The following EPS15L1 variants were observed in gnomAD, a reference collection of about 807,000 sequenced individuals.
EPS15L1 encodes the protein epidermal growth factor receptor substrate 15-like 1.
A neutral mutation model predicts 117.1 loss-of-function variants in EPS15L1; 43 were observed. The observed-to-expected ratio is 0.37, with a 90% CI of 0.29 to 0.47. The LOEUF is 0.47. EPS15L1 is among the 20% of genes least tolerant of loss of function. EPS15L1 has a pLI of 0.99. For missense variants in EPS15L1, 981 were observed against 1,164.0 expected (o/e 0.84, Z 2.29); for synonymous variants, 459 against 470.5 (o/e 0.98, Z 0.32).
At position 16,370,756 on chromosome 19, in the gene EPS15L1, G is replaced by A. The variant is rs1040824705; in HGVS notation, c.2380+6366C>T. Among the ~76,000 whole-genome samples the A allele has an allele frequency of 6.6e-6, 1 of 152,196 alleles. No homozygotes were observed. Among genetic ancestry groups the A allele is most frequent in the African/African-American group, 2.4e-5 (1 of 41,446 alleles). On this transcript the variant is annotated intron_variant, in intron 22 of 23. Coordinates refer to ENST00000455140, the MANE Select transcript of EPS15L1 (RefSeq NM_001258374.3). The surrounding 1 kb of genome is among the most constrained non-coding windows in gnomAD (Gnocchi z 5.2). ...CATTCCTCCCTCTCAGAGTGGGACC[G>A]TTCCTTGGCACCGTCAGCAGGTCCC... is the stretch of plus-strand genomic sequence containing the variant.
At chr19:16,385,348 G>A (rs558578665) in intron 20 of EPS15L1, 137 bp from the exon 21 acceptor site, 34 of 710,280 alleles carry the variant, frequency 4.8e-5, no homozygotes, top group Non-Finnish European at 8.3e-5. Context: ...ACGTGTGTCT[G>A]CATGAAGGCC....
In EPS15L1 at chr19:16,405,064, AG is replaced by A. The variant is rs2092642679; in HGVS notation, c.1267-316del. Among the ~76,000 whole-genome samples the A allele has an allele frequency of 2.0e-5, 3 of 152,214 alleles. No homozygotes were observed. The highest frequency in any genetic ancestry group is 4.4e-5 in the Non-Finnish European group (3 of 68,042). On this transcript the variant is annotated intron_variant, in intron 13 of 23. Coordinates refer to ENST00000455140, the MANE Select transcript of EPS15L1 (RefSeq NM_001258374.3). This position sits in a 1 kb window ranked among gnomAD's most constrained non-coding sequence, Gnocchi z 4.0. Reference sequence around the variant, plus strand: ...GGATGACATGCAGCTGTGGCTGCGGAGGGGAACATCACCCAAACGCAAATAA... The same window carrying A: ...GGATGACATGCAGCTGTGGCTGCGGAGGGAACATCACCCAAACGCAAATAA...
chr19:16,417,988 G>C lies in EPS15L1; in HGVS notation c.1067C>G (p.Pro356Arg), dbSNP rs201602551. The C allele has an allele frequency of 3.4e-5, 55 of 1,614,028 alleles. No individual in the cohort carries two copies. The highest frequency in any genetic ancestry group is 1.7e-4 in the Middle Eastern group (1 of 6,050). The change falls in exon 11 of 24, where the codon CCG becomes CGG. Residue 356 changes from proline (P) to arginine (R), a missense_variant. Physicochemically the swap from Pro to Arg is moderately radical, Grantham distance 103. Around this residue, in one of 5 missense-constraint regions of EPS15L1, gnomAD observed 819 missense variants for 949.0 expected, o/e 0.86. Coordinates refer to ENST00000455140, the MANE Select transcript of EPS15L1 (RefSeq NM_001258374.3). ...TCTCTCCGAAGGCGGGACCATGTCCGGCGAGAGGACTTGAGGAGGGTCGAT... is the reference window on the plus strand; with the variant it reads ...TCTCTCCGAAGGCGGGACCATGTCCCGCGAGAGGACTTGAGGAGGGTCGAT... ...KGIDPPQVLSPDMVPPSERGT... is the reference protein window; with the variant it reads ...KGIDPPQVLSRDMVPPSERGT...
intron 13 of EPS15L1, among the ~76,000 whole-genome samples, chr19:16,411,860 C>T (rs867680761): frequency 1.3e-4 from 20 of 152,188 alleles, no homozygotes; most frequent in Middle Eastern, 3.4e-3. Flanking sequence ...CCACTACACC[C>T]GGCTTTTGCA....
intron 1 of EPS15L1, among the ~76,000 whole-genome samples, chr19:16,470,325 TACAGTGAGCTGA>T (rs1054566486): frequency 6.6e-6 from 1 of 151,480 alleles, no homozygotes; most frequent in African/African-American, 2.4e-5. Context: ...AGGCGGAGGT[TACAGTGAGCTGA>T]GATCATGCCA....
At chr19:16,413,672 G>C in intron 13 of EPS15L1, 101 bp downstream of exon 13, 1 of 1,006,870 alleles carries the variant, frequency 9.9e-7, no homozygotes, top group East Asian at 2.4e-5. Context: ...TTTCCATCCA[G>C]GGCAGACCCC....
chr19:16,402,666 T>A (rs1338337817), intron 15 of EPS15L1, among the ~76,000 whole-genome samples, 181 bp from the exon 16 acceptor site: 1 of 151,920 alleles, frequency 6.6e-6, no homozygotes, highest in Admixed American at 6.6e-5. Context: ...CTCAGCCTCC[T>A]GAGTAGCTGG....
chr19:16,419,721 G>A (rs1008294558), intron 10 of EPS15L1, among the ~76,000 whole-genome samples: 2 of 152,210 alleles, frequency 1.3e-5, no homozygotes, highest in African/African-American at 4.8e-5. Flanking sequence ...TGCGGAGAAT[G>A]AGCAGATCTC....
At chr19:16,466,435 C>A (rs1599700162) in intron 1 of EPS15L1, among the ~76,000 whole-genome samples, 1 of 152,172 alleles carries the variant, frequency 6.6e-6, no homozygotes, top group East Asian at 1.9e-4. Context: ...CAATCCCCAC[C>A]GAATGCACTA....
chr19:16,441,837 G>T (rs371007291), intron 3 of EPS15L1, 55 bp downstream of exon 3: 31 of 1,426,596 alleles, frequency 2.2e-5, no homozygotes, highest in East Asian at 6.8e-5. Flanking sequence ...CCTGACCTGC[G>T]GGGGGAGCTG....
intron 1 of EPS15L1, among the ~76,000 whole-genome samples, chr19:16,468,957 T>C (rs553313378): frequency 1.9e-4 from 29 of 152,196 alleles, no homozygotes; most frequent in African/African-American, 6.5e-4. Flanking sequence ...GAGTTTGAGG[T>C]TGCAGTGAGC....
At chr19:16,359,394 G>A (rs2092022677) in intron 23 of EPS15L1, among the ~76,000 whole-genome samples, 1 of 152,186 alleles carries the variant, frequency 6.6e-6, no homozygotes, top group Admixed American at 6.5e-5. Context: ...TGAGTCCCCA[G>A]AGGAGAGCTG....
chr19:16,456,957 T>G, intron 1 of EPS15L1, among the ~76,000 whole-genome samples: 1 of 151,026 alleles, frequency 6.6e-6, no homozygotes, highest in Non-Finnish European at 1.5e-5. Context: ...AAGCAGAACA[T>G]GGGGAGGGGG....
At chr19:16,456,863 C>T (rs1241192365) in intron 1 of EPS15L1, among the ~76,000 whole-genome samples, 1 of 151,960 alleles carries the variant, frequency 6.6e-6, no homozygotes, top group African/African-American at 2.4e-5. Context: ...TTCAGCACGG[C>T]CCCAGTCAGG....
chr19:16,453,606 G>A (rs953821329), intron 1 of EPS15L1, among the ~76,000 whole-genome samples: 11 of 152,050 alleles, frequency 7.2e-5, no homozygotes, highest in African/African-American at 1.2e-4. Context: ...CCAGCTACTC[G>A]GGAGGCTGAA....
At chr19:16,378,160 G>C (rs546877663) in intron 21 of EPS15L1, among the ~76,000 whole-genome samples, 2 of 152,180 alleles carry the variant, frequency 1.3e-5, no homozygotes, top group South Asian at 4.2e-4. Flanking sequence ...GGAGGCGGGT[G>C]GGTGGTAGAC....
In EPS15L1 at chr19:16,365,182, G is replaced by A. The variant is rs531688311; in HGVS notation, c.2381-3198C>T. On this transcript the variant is annotated intron_variant, in intron 22 of 23. Transcript: ENST00000455140. The surrounding 1 kb of genome is among the most constrained non-coding windows in gnomAD (Gnocchi z 4.9). ...CAGCCAAGCCCTGGGGCTGGGAGTGGCCCTGGAAGACGGTGTGGGGCATGG... is the reference window on the plus strand; with the variant it reads ...CAGCCAAGCCCTGGGGCTGGGAGTGACCCTGGAAGACGGTGTGGGGCATGG... Among the ~76,000 whole-genome samples the A allele has an allele frequency of 2.9e-4, 44 of 152,358 alleles. No homozygotes were observed. Among genetic ancestry groups the A allele is most frequent in the Middle Eastern group, 3.4e-3 (1 of 294 alleles).
intron 4 of EPS15L1, among the ~76,000 whole-genome samples, chr19:16,439,507 A>C (rs1291612941): frequency 6.6e-6 from 1 of 152,000 alleles, no homozygotes; most frequent in African/African-American, 2.4e-5. Context: ...ACCTGGGCAT[A>C]GTGAGACCTC....
intron 7 of EPS15L1, among the ~76,000 whole-genome samples, chr19:16,429,517 C>T (rs990601156): frequency 6.6e-6 from 1 of 152,168 alleles, no homozygotes; most frequent in Non-Finnish European, 1.5e-5. Context: ...AGGTTTCTCA[C>T]ATCTGGTCCT....
Sources: allele counts gnomAD v4.1 joint callset (sites outside exome capture counted in the v4.1 genomes callset), GRCh38; gene constraint gnomAD v4.1.1; regional missense constraint gnomAD v4.1.1; non-coding constraint Gnocchi (gnomAD v3.1); transcripts MANE v1.5; gene names NCBI Gene and HGNC (gene_info 2026-07-23, HGNC 2026-07-21).